The following GXYLT1 variants were observed in gnomAD, a reference collection of about 807,000 sequenced individuals.
GXYLT1 encodes glycosyltransferase 8 domain containing 3.
In GXYLT1, 29 loss-of-function variants were observed where a neutral mutation model predicts 54.0. That is an observed-to-expected ratio of 0.54 (90% CI 0.40 to 0.73). The LOEUF is 0.73. GXYLT1 is among the 30% of genes least tolerant of loss of function. The probability of loss-of-function intolerance (pLI) is 0.00; values close to 1 mark genes in which losing one functional copy is unlikely to be tolerated. For missense variants in GXYLT1, 490 were observed against 553.4 expected, an observed-to-expected ratio of 0.89 and a Z score of 1.15; for synonymous variants, 176 against 204.1, an observed-to-expected ratio of 0.86 and a Z score of 1.17.
chr12:42,140,580 C>T (rs7297971), intron 1 of GXYLT1, among the ~76,000 whole-genome samples: 79,018 of 151,974 alleles, frequency 0.52, 20,981 homozygotes, highest in South Asian at 0.7. Context: ...CAGTAAGTGG[C>T]AAAGCTGAAG....
intron 3 of GXYLT1, among the ~76,000 whole-genome samples, chr12:42,114,648 A>G (rs2065481699): frequency 6.6e-6 from 1 of 152,220 alleles, no homozygotes; most frequent in South Asian, 2.1e-4. Context: ...ATAGCTTACC[A>G]ACCAAAAAAA....
chr12:42,125,843 C>T (rs28583216), intron 2 of GXYLT1, among the ~76,000 whole-genome samples: 2,329 of 151,886 alleles, frequency 0.015, 65 homozygotes, highest in African/African-American at 0.054. Context: ...AGCGAGACAG[C>T]GAGACCTTGT....
intron 3 of GXYLT1, among the ~76,000 whole-genome samples, chr12:42,112,033 G>C (rs1361756692): frequency 1.3e-5 from 2 of 152,218 alleles, no homozygotes; most frequent in Non-Finnish European, 1.5e-5. Context: ...ACAGGGTCTG[G>C]AGTGGACCTC....
chr12:42,118,135 A>G (rs2065508036), intron 3 of GXYLT1, among the ~76,000 whole-genome samples: 1 of 152,232 alleles, frequency 6.6e-6, no homozygotes, highest in African/African-American at 2.4e-5. Context: ...AATCCTGTTT[A>G]AGCCACTGTT....
chr12:42,109,469 C>T, intron 4 of GXYLT1, 97 bp downstream of exon 4: 1 of 770,064 alleles, frequency 1.3e-6, no homozygotes, highest in Non-Finnish European at 1.8e-6. Context: ...AATTATTTAA[C>T]TGGAATTATA....
Position 42,086,508 on chromosome 12 carries a change from A to G in GXYLT1, c.*1278T>C, listed in dbSNP as rs1206256302. On this transcript the variant is annotated 3_prime_UTR_variant, in exon 8 of 8. Coordinates refer to ENST00000398675, the MANE Select transcript of GXYLT1 (RefSeq NM_173601.2). ...AGGGAGAAAAAGAAGATAACCATAT[A>G]GATAATCATATTGTTGGTAAAATAA... 6.6e-6 allele frequency: 1 copy of G among 152,132 alleles called. No individual in the cohort carries two copies. Among genetic ancestry groups the G allele is most frequent in the Non-Finnish European group, 1.5e-5 (1 of 68,024 alleles). 9.4% of individuals were successfully genotyped at this position (152,132 alleles called of 1,614,324 possible).
At chr12:42,099,386 T>C (rs1565567370) in intron 5 of GXYLT1, among the ~76,000 whole-genome samples, 1 of 152,208 alleles carries the variant, frequency 6.6e-6, no homozygotes, top group Non-Finnish European at 1.5e-5. Context: ...AAATTAACTA[T>C]ATATCCTTAA....
At chr12:42,106,163 T>G (rs2065420070) in intron 4 of GXYLT1, 94 bp from the exon 5 acceptor site, 1 of 769,578 alleles carries the variant, frequency 1.3e-6, no homozygotes, top group African/African-American at 1.8e-5. Context: ...CCTAAGAGAT[T>G]AGCTAATTTA....
chr12:42,109,255 G>A (rs1399945895), intron 4 of GXYLT1, among the ~76,000 whole-genome samples: 2 of 152,092 alleles, frequency 1.3e-5, no homozygotes, highest in African/African-American at 4.8e-5. Context: ...CAACAGACTT[G>A]GCTCCATTAA....
At position 42,087,102 on chromosome 12, in the gene GXYLT1, C is replaced by A. The variant is rs1273352407; in HGVS notation, c.*684G>T. The A allele has an allele frequency of 6.6e-6, 1 of 152,050 alleles. No homozygotes were observed. Among genetic ancestry groups the A allele is most frequent in the African/African-American group, 2.4e-5 (1 of 41,414 alleles). The allele number at this position is 152,050 out of a possible 1,614,324, so 9.4% of individuals were successfully genotyped here. A position where few individuals can be genotyped will look rare whatever the true frequency, so the allele number is the denominator to read the frequency against. On this transcript the variant is annotated 3_prime_UTR_variant, in exon 8 of 8. Transcript: ENST00000398675. ...TTAATGCATACAAAATGAAACACTA[C>A]ATTTCTCACTCTCTCTCACACACAA...
At chr12:42,095,733 A>G (rs2136877931) in intron 7 of GXYLT1, among the ~76,000 whole-genome samples, 1 of 152,338 alleles carries the variant, frequency 6.6e-6, no homozygotes, top group African/African-American at 2.4e-5. Context: ...AAAAAATGCA[A>G]TTATATCAAC....
chr12:42,137,979 G>A (rs2065630449), intron 1 of GXYLT1, among the ~76,000 whole-genome samples: 1 of 152,014 alleles, frequency 6.6e-6, no homozygotes, highest in African/African-American at 2.4e-5. Context: ...CAACTAAATT[G>A]TTTCCAAGTC....
At chr12:42,120,614 T>A (rs1231106498) in intron 2 of GXYLT1, among the ~76,000 whole-genome samples, 1 of 152,172 alleles carries the variant, frequency 6.6e-6, no homozygotes, top group African/African-American at 2.4e-5. Context: ...CACTGCAGCC[T>A]CAACCTCCCA....
chr12:42,144,336 G>A (rs1046692929), intron 1 of GXYLT1, 90 bp downstream of exon 1: 2 of 778,218 alleles, frequency 2.6e-6, no homozygotes, highest in East Asian at 4.6e-5. Flanking sequence ...CGGGAGACGC[G>A]GCACCCACCG....
At chr12:42,092,542 A>T (rs1193621818) in intron 7 of GXYLT1, among the ~76,000 whole-genome samples, 2 of 152,144 alleles carry the variant, frequency 1.3e-5, no homozygotes, top group Non-Finnish European at 2.9e-5. Context: ...GTCCCCCATC[A>T]ATCCACCCCA....
chr12:42,141,380 AAT>A (rs1209015986), intron 1 of GXYLT1, among the ~76,000 whole-genome samples: 5 of 152,178 alleles, frequency 3.3e-5, no homozygotes, highest in African/African-American at 1.2e-4. Context: ...TAAGCCTATA[AAT>A]ATGTTTTGCT....
chr12:42,091,059 C>T (rs977256936), intron 7 of GXYLT1, among the ~76,000 whole-genome samples: 7 of 152,144 alleles, frequency 4.6e-5, no homozygotes, highest in African/African-American at 1.7e-4. Context: ...TATGACTAAG[C>T]CTCTGTCTGA....
intron 1 of GXYLT1, among the ~76,000 whole-genome samples, chr12:42,134,836 T>C (rs1005361061): frequency 6.6e-6 from 1 of 152,214 alleles, no homozygotes; most frequent in Non-Finnish European, 1.5e-5. Context: ...TCATACCTAT[T>C]ACCAACTCCA....
intron 2 of GXYLT1, among the ~76,000 whole-genome samples, chr12:42,126,497 A>G (rs897877941): frequency 2.0e-5 from 3 of 152,206 alleles, no homozygotes; most frequent in African/African-American, 4.8e-5. Flanking sequence ...GCTCATGTCT[A>G]TAATTCCAGC....
Sources: allele counts gnomAD v4.1 joint callset (sites outside exome capture counted in the v4.1 genomes callset), GRCh38; gene constraint gnomAD v4.1.1; transcripts MANE v1.5; gene names NCBI Gene and HGNC (gene_info 2026-07-23, HGNC 2026-07-21).